PLXDC1: variants seen among roughly 807,000 people sequenced by gnomAD.
PLXDC1 encodes plexin domain-containing protein 1.
A neutral mutation model predicts 61.3 loss-of-function variants in PLXDC1; 39 were observed. That is an observed-to-expected ratio of 0.64 (90% CI 0.49 to 0.83). The LOEUF (loss-of-function observed/expected upper bound fraction) is 0.83. Among genes scored for constraint, PLXDC1 ranks in the 40% least tolerant of loss-of-function variants. The probability of loss-of-function intolerance (pLI) is 0.00; values close to 1 mark genes in which losing one functional copy is unlikely to be tolerated. For synonymous variants in PLXDC1, 212 were observed against 254.5 expected (o/e 0.83, Z 1.59); for missense variants, 596 against 666.5 (o/e 0.89, Z 1.17).
chr17:39,110,866 A>G (rs987336684), intron 2 of PLXDC1, among the ~76,000 whole-genome samples: 4 of 152,280 alleles, frequency 2.6e-5, no homozygotes, highest in South Asian at 2.1e-4. Context: ...CGGAAGAAGC[A>G]TGGTTGGTTG....
intron 2 of PLXDC1, among the ~76,000 whole-genome samples, chr17:39,112,390 C>G (rs1910835881): frequency 6.6e-6 from 1 of 151,976 alleles, no homozygotes; most frequent in African/African-American, 2.4e-5. Flanking sequence ...CATCAGTTAG[C>G]CTAAAATTTT....
chr17:39,077,583 A>C (rs150384038), intron 11 of PLXDC1, among the ~76,000 whole-genome samples: 51 of 152,300 alleles, frequency 3.3e-4, no homozygotes, highest in African/African-American at 1.2e-3. Flanking sequence ...GACTGCTATT[A>C]AGATTAGCTG....
upstream of PLXDC1, among the ~76,000 whole-genome samples, chr17:39,152,203 G>T (rs1440462013): frequency 7.4e-6 from 1 of 135,078 alleles, no homozygotes; most frequent in Non-Finnish European, 1.6e-5. Context: ...TTCCAGCACC[G>T]ATTTGCCCCC....
In PLXDC1 at chr17:39,064,210, G is replaced by A. The variant is rs1213523255; in HGVS notation, c.*3630C>T. 2.0e-5 allele frequency: 3 copies of A among 152,208 alleles called. No homozygotes were observed. The highest frequency in any genetic ancestry group is 7.2e-5 in the African/African-American group (3 of 41,416). 9.4% of individuals were successfully genotyped at this position (152,208 alleles called of 1,614,324 possible). A position where few individuals can be genotyped will look rare whatever the true frequency, so the allele number is the denominator to read the frequency against. On this transcript the variant is annotated 3_prime_UTR_variant, in exon 14 of 14. Transcript: ENST00000315392. ...TTTAAAAATTTATTTTTAAACAAAT[G>A]CAGTGGGATGATCATAGCTCTCTGC...
intron 2 of PLXDC1, among the ~76,000 whole-genome samples, chr17:39,110,754 C>T (rs1910770233): frequency 6.6e-6 from 1 of 152,232 alleles, no homozygotes; most frequent in Non-Finnish European, 1.5e-5. Flanking sequence ...TGAGCAGGGA[C>T]AAGGGGTTCC....
intron 12 of PLXDC1, chr17:39,070,484 G>C (rs115227582): frequency 0.013 from 2,007 of 153,858 alleles, 52 homozygotes; most frequent in African/African-American, 0.046. Flanking sequence ...CCACCTAATA[G>C]GGTTATTGTG....
intron 1 of PLXDC1, 37 bp from the exon 2 acceptor site, chr17:39,139,869 C>T: frequency 6.4e-7 from 1 of 1,561,598 alleles, no homozygotes; most frequent in Non-Finnish European, 8.7e-7. Context: ...TGCCAGCAGT[C>T]CGGAATGAAG....
At chr17:39,092,336 A>G (rs1029809610) in intron 7 of PLXDC1, among the ~76,000 whole-genome samples, 2 of 152,104 alleles carry the variant, frequency 1.3e-5, no homozygotes, top group African/African-American at 4.8e-5. Flanking sequence ...AGCCTCCCAA[A>G]GCGCTGAGGT....
chr17:39,140,739 T>C (rs937202817), intron 1 of PLXDC1, among the ~76,000 whole-genome samples: 2 of 152,240 alleles, frequency 1.3e-5, no homozygotes, highest in African/African-American at 2.4e-5. Flanking sequence ...CACATAATCC[T>C]ATTTCCCAGT....
intron 4 of PLXDC1, chr17:39,108,473 G>T (rs922432159): frequency 8.7e-6 from 5 of 572,320 alleles, no homozygotes; most frequent in African/African-American, 5.6e-5. Context: ...CAGACTATAG[G>T]GCGAGGGGGC....
intron 10 of PLXDC1, among the ~76,000 whole-genome samples, chr17:39,078,524 G>A (rs984738924): frequency 2.6e-5 from 4 of 152,190 alleles, no homozygotes; most frequent in African/African-American, 9.7e-5. Context: ...TTTGCAAGAA[G>A]ATATAAAGGG....
chr17:39,115,838 G>A (rs1453045038), intron 2 of PLXDC1, among the ~76,000 whole-genome samples: 2 of 152,198 alleles, frequency 1.3e-5, no homozygotes, highest in African/African-American at 4.8e-5. Flanking sequence ...AACTAGGCCA[G>A]GCATGGTGGC....
chr17:39,092,540 C>T (rs1371446379), intron 7 of PLXDC1, among the ~76,000 whole-genome samples: 1 of 152,248 alleles, frequency 6.6e-6, no homozygotes, highest in Non-Finnish European at 1.5e-5. Flanking sequence ...GTGCAGAGCA[C>T]TCTGTTAGCT....
intron 7 of PLXDC1, among the ~76,000 whole-genome samples, chr17:39,088,779 T>C (rs1909834279): frequency 6.6e-6 from 1 of 150,932 alleles, no homozygotes; most frequent in East Asian, 1.9e-4. Flanking sequence ...AGAAACCCTG[T>C]CTCTACTAAA....
At chr17:39,072,104 G>A (rs961948018) in intron 12 of PLXDC1, 1 of 331,522 alleles carries the variant, frequency 3.0e-6, no homozygotes, top group Non-Finnish European at 5.7e-6. Flanking sequence ...GGGGATCAGA[G>A]GGGATGGCCA....
intron 11 of PLXDC1, 135 bp from the exon 12 acceptor site, chr17:39,072,620 G>A: frequency 4.3e-6 from 3 of 695,774 alleles, no homozygotes; most frequent in Non-Finnish European, 7.9e-6. Context: ...AGAGAGGGGA[G>A]GAGACTTGCT....
intron 1 of PLXDC1, among the ~76,000 whole-genome samples, chr17:39,141,674 T>C (rs751961475): frequency 1.3e-5 from 2 of 152,220 alleles, no homozygotes; most frequent in African/African-American, 2.4e-5. Flanking sequence ...TGCTGGATTG[T>C]ATGGTAATTC....
chr17:39,151,576 C>T lies in PLXDC1; in HGVS notation c.-139G>A, dbSNP rs542511453. 1.7e-6 allele frequency: 2 copies of T among 1,165,720 alleles called. No individual in the cohort carries two copies. Among genetic ancestry groups the T allele is most frequent in the Non-Finnish European group, 1.1e-6 (1 of 945,010 alleles). The allele number at this position is 1,165,720 out of a possible 1,614,324, so 72.2% of individuals were successfully genotyped here. A position where few individuals can be genotyped will look rare whatever the true frequency, so the allele number is the denominator to read the frequency against. On this transcript the variant is annotated 5_prime_UTR_variant, in exon 1 of 14. Coordinates refer to ENST00000315392, the MANE Select transcript of PLXDC1 (RefSeq NM_020405.5). This position sits in a 1 kb window ranked among gnomAD's most constrained non-coding sequence, Gnocchi z 5.2. ...GCGAGGAGACGGCGGAGCGCGGGGC[C>T]GGGCGAGCCGGCAGGAGCGGCGAGA...
chr17:39,088,597 A>G (rs543727166), intron 7 of PLXDC1, among the ~76,000 whole-genome samples: 147 of 152,278 alleles, frequency 9.7e-4, no homozygotes, highest in African/African-American at 3.4e-3. Context: ...CTAGGCCACG[A>G]TACCCACCCA....
Sources: allele counts gnomAD v4.1 joint callset (sites outside exome capture counted in the v4.1 genomes callset), GRCh38; gene constraint gnomAD v4.1.1; non-coding constraint Gnocchi (gnomAD v3.1); transcripts MANE v1.5; gene names NCBI Gene and HGNC (gene_info 2026-07-23, HGNC 2026-07-21).